SALL1: variants seen among roughly 807,000 people sequenced by gnomAD.
SALL1 encodes the protein spalt like transcription factor 1, also known as sal-like protein 1.
SALL1 carries 10 observed loss-of-function variants against 73.1 expected under a neutral mutation model. The observed-to-expected ratio is 0.14, with a 90% CI of 0.08 to 0.23. SALL1 has a LOEUF of 0.23. Ranked by LOEUF, SALL1 falls within the 10% of genes least tolerant of loss-of-function variation. SALL1 has a pLI of 1.00. For missense variants in SALL1, 1,520 were observed against 1,697.3 expected (o/e 0.90, Z 1.84); for synonymous variants, 688 against 689.8 (o/e 1.00, Z 0.04).
At chr16:51,143,248 G>T (rs1962470083) in intron 1 of SALL1, 4 of 313,284 alleles carry the variant, frequency 1.3e-5, no homozygotes, top group Admixed American at 8.2e-5. Flanking sequence ...TCCATTGGTT[G>T]CTCAGATGTC....
intron 1 of SALL1, among the ~76,000 whole-genome samples, chr16:51,147,033 AT>A (rs1182175637): frequency 2.0e-5 from 3 of 152,164 alleles, no homozygotes; most frequent in Non-Finnish European, 4.4e-5. Flanking sequence ...CAGTCTGCCT[AT>A]TTCTGCCCCA....
rs1271179688 is a variant in SALL1, at chr16:51,136,971, A to G, written c.*141T>C. 8.4e-6 allele frequency: 6 copies of G among 715,626 alleles called. No homozygotes were observed. Among genetic ancestry groups the G allele is most frequent in the Non-Finnish European group, 1.2e-5 (5 of 414,804 alleles). The allele number at this position is 715,626 out of a possible 1,614,324, so 44.3% of individuals were successfully genotyped here. ...ACTCTAAAGTTGAACAAGGTACAAAAGAATGTCTTCATAATGTTGTAGTTC... is the reference window on the plus strand; with the variant it reads ...ACTCTAAAGTTGAACAAGGTACAAAGGAATGTCTTCATAATGTTGTAGTTC... On this transcript the variant is annotated 3_prime_UTR_variant, in exon 3 of 3. Coordinates refer to ENST00000251020, the MANE Select transcript of SALL1 (RefSeq NM_002968.3).
upstream of SALL1, among the ~76,000 whole-genome samples, chr16:51,151,908 G>T (rs570227325): frequency 1.3e-3 from 191 of 151,890 alleles, no homozygotes; most frequent in African/African-American, 4.2e-3. Context: ...CGGCCCGCGG[G>T]GGGAGGGAGT....
In SALL1 at chr16:51,141,580, C is replaced by A; in HGVS notation, c.642G>T (p.Ala214=). 1 of 1,614,116 alleles carries A rather than the reference C, an allele frequency of 6.2e-7. No individual in the cohort carries two copies. Among genetic ancestry groups the A allele is most frequent in the Non-Finnish European group, 8.5e-7 (1 of 1,180,022 alleles). ...TGCCCCCAGAGGCCCCGCCGCACCT[C>A]GCTTCCTGGGAGAACTGGGCCACCG... The part of the protein sequence containing the change: ...KVAVAQFSQE[A]RCGGASGGKL... The change falls in exon 2 of 3, where the codon GCG becomes GCT. Residue 214 remains alanine (A), a synonymous_variant. Transcript: ENST00000251020. The surrounding 1 kb of genome is among the most constrained non-coding windows in gnomAD (Gnocchi z 5.4).
At chr16:51,137,909 C>G (rs1414285681) in intron 2 of SALL1, among the ~76,000 whole-genome samples, 2 of 152,204 alleles carry the variant, frequency 1.3e-5, no homozygotes, top group African/African-American at 4.8e-5. Context: ...TAGGTCCACT[C>G]TCATTGCAAT....
In SALL1 at chr16:51,141,619, C is replaced by G; in HGVS notation, c.603G>C (p.Gln201His). 1 of 1,614,050 alleles carries G rather than the reference C, an allele frequency of 6.2e-7. No homozygotes were observed. Among genetic ancestry groups the G allele is most frequent in the Non-Finnish European group, 8.5e-7 (1 of 1,180,040 alleles). Residue 201 changes from glutamine to histidine, a missense_variant, in exon 2 of 3, where the codon CAG becomes CAC. Coordinates refer to ENST00000251020, the MANE Select transcript of SALL1 (RefSeq NM_002968.3). This position sits in a 1 kb window ranked among gnomAD's most constrained non-coding sequence, Gnocchi z 5.4. ...INSNVIIENL[Q>H]STKVAVAQFS... ...ACTGGGCCACCGCCACCTTGGTGCT[C>G]TGGAGGTTCTCGATGATGACGTTGC...
chr16:51,141,915 T>G lies in SALL1; in HGVS notation c.307A>C (p.Asn103His). The G allele has an allele frequency of 6.2e-7, 1 of 1,613,914 alleles. No individual in the cohort carries two copies. The highest frequency in any genetic ancestry group is 1.1e-5 in the South Asian group (1 of 91,066). ...CTGCAGTCCACTTGATCTGTTTTGT[T>G]AACTGTGTCATTCATTTGTTCATCA... is the stretch of plus-strand genomic sequence containing the variant. ...NPDEQMNDTVNKTDQVDCSDL... is the reference protein window; with the variant it reads ...NPDEQMNDTVHKTDQVDCSDL... The change falls in exon 2 of 3, where the codon AAC becomes CAC. Residue 103 changes from asparagine (N) to histidine (H), a missense_variant. Around this residue, in one of 7 missense-constraint regions of SALL1, gnomAD observed 540 missense variants for 567.5 expected, o/e 0.95. Transcript: ENST00000251020. This position sits in a 1 kb window ranked among gnomAD's most constrained non-coding sequence, Gnocchi z 5.4.
chr16:51,137,634 A>G, intron 2 of SALL1, 82 bp from the exon 3 acceptor site: 1 of 1,076,454 alleles, frequency 9.3e-7, no homozygotes, highest in South Asian at 1.4e-5. Context: ...TAATAGCTGA[A>G]TCTGTCTCAA....
At chr16:51,143,318 CT>C (rs1306172141) in intron 1 of SALL1, 1 of 415,988 alleles carries the variant, frequency 2.4e-6, no homozygotes, top group African/African-American at 2.1e-5. Flanking sequence ...AGCTAACATC[CT>C]ATTCAAAGAC....
rs371903483 is a variant in SALL1, at chr16:51,138,234, GACAA to G, written c.3534+450_3534+453del. On this transcript the variant is annotated intron_variant, in intron 2 of 2. Transcript: ENST00000251020. ...CAGAGCAGTGACGTTATTGTTTTTA[GACAA>G]ACAAACCATGCTGGACTGCATAGTT... is the stretch of plus-strand genomic sequence containing the variant. Among the ~76,000 whole-genome samples, 137 of 152,224 alleles carry G rather than the reference GACAA, an allele frequency of 9.0e-4. 1 individual carries two copies. In the East Asian group the frequency reaches 0.014, roughly 15 times the overall value.
rs1962321396 is a variant in SALL1 at position 51,137,272 on chromosome 16, C to T, written c.3815G>A (p.Ser1272Asn). 1.2e-6 allele frequency: 2 copies of T among 1,614,124 alleles called. No individual in the cohort carries two copies. The highest frequency in any genetic ancestry group is 1.1e-5 in the South Asian group (1 of 91,066). Reference protein sequence around the residue: ...PIPGSLGSGNSSPVSGLTGNL... With the variant: ...PIPGSLGSGNNSPVSGLTGNL... The stretch of plus-strand genomic sequence containing the variant: ...TCCCGTCAGCCCACTAACAGGTGAG[C>T]TGTTCCCACTGCCGAGGCTTCCAGG... The change falls in exon 3 of 3, where the codon AGC (serine) becomes AAC (asparagine). Residue 1272 changes from serine to asparagine, a missense_variant. Physicochemically the swap from Ser to Asn is conservative, Grantham distance 46. Transcript: ENST00000251020.
At chr16:51,151,332 G>A (rs1412475629), upstream of SALL1, 10 of 964,564 alleles carry the variant, frequency 1.0e-5, no homozygotes, top group East Asian at 3.9e-5. Context: ...CGGCGGCGGC[G>A]GCTCCCCCCG....
At chr16:51,149,372 C>T (rs1412900074) in intron 1 of SALL1, 1 of 152,066 alleles carries the variant, frequency 6.6e-6, no homozygotes, top group East Asian at 1.9e-4. Context: ...AACAGTTTTC[C>T]GGTGCAAAAG....
At chr16:51,138,152 T>C (rs1962345857) in intron 2 of SALL1, among the ~76,000 whole-genome samples, 1 of 152,244 alleles carries the variant, frequency 6.6e-6, no homozygotes. Context: ...ATTTGCTTTA[T>C]TTCCAACACA....
At chr16:51,151,071 A>T in intron 1 of SALL1, 95 bp downstream of exon 1, 1 of 773,468 alleles carries the variant, frequency 1.3e-6, no homozygotes, top group East Asian at 3.2e-5. Context: ...GCGGTGAGGT[A>T]GGGGGCGCGG....
In SALL1 at chr16:51,138,648, G is replaced by T. The variant is rs7184489; in HGVS notation, c.3534+40C>A. On this transcript the variant is annotated intron_variant, in intron 2 of 2. Coordinates refer to ENST00000251020, the MANE Select transcript of SALL1 (RefSeq NM_002968.3). ...ATAGATAATCAATGGCAGTGGGACA[G>T]GGTTGATGGAGCAGGTATGGTGCAG... 4.4e-5 allele frequency: 70 copies of T among 1,586,640 alleles called. No homozygotes were observed. The African/African-American group carries it at 8.7e-4, about 20-fold the overall frequency.
intron 1 of SALL1, among the ~76,000 whole-genome samples, chr16:51,150,142 C>T (rs1244002847): frequency 6.6e-6 from 1 of 152,206 alleles, no homozygotes; most frequent in Non-Finnish European, 1.5e-5. Flanking sequence ...TACCCCAACT[C>T]CCTGCCCGGA....
chr16:51,150,245 G>C lies in SALL1; in HGVS notation c.76+921C>G, dbSNP rs540843896. 1.3e-5 allele frequency: 3 copies of C among 228,788 alleles called. No homozygotes were observed. In the Admixed American group the frequency reaches 1.9e-4, roughly 15 times the overall value. The allele number at this position is 228,788 out of a possible 1,614,324, so 14.2% of individuals were successfully genotyped here. On this transcript the variant is annotated intron_variant, in intron 1 of 2. Coordinates refer to ENST00000251020, the MANE Select transcript of SALL1 (RefSeq NM_002968.3). ...ACCCACAGTTGTCGCCTCCATCGGA[G>C]AAAACAAGTGCCCCTGTTTCAGGGG...
At chr16:51,150,182 A>G (rs1388688661) in intron 1 of SALL1, among the ~76,000 whole-genome samples, 2 of 152,090 alleles carry the variant, frequency 1.3e-5, no homozygotes, top group Non-Finnish European at 2.9e-5. Context: ...TAGCCCCCAC[A>G]CACAAACTTT....
Sources: gnomAD v4.1 joint callset for allele counts (sites outside exome capture counted in the v4.1 genomes callset) on GRCh38, gnomAD v4.1.1 for gene constraint, gnomAD v4.1.1 regional missense constraint, Gnocchi (gnomAD v3.1) non-coding constraint, MANE v1.5 for transcripts, NCBI Gene and HGNC (gene_info 2026-07-23, HGNC 2026-07-21) for gene names.